Variants in CHODL observed in about 807,000 individuals in gnomAD.
CHODL encodes chondrolectin.
CHODL carries 29 observed loss-of-function variants against 34.5 expected under a neutral mutation model. That is an observed-to-expected ratio of 0.84 (90% CI 0.63 to 1.15). The LOEUF is 1.15. Among genes scored for constraint, CHODL ranks in the 50% most tolerant of loss-of-function variants. The probability of loss-of-function intolerance (pLI) is 0.00; values close to 1 mark genes in which losing one functional copy is unlikely to be tolerated. For missense variants in CHODL, 332 were observed against 332.5 expected, an observed-to-expected ratio of 1.00 and a Z score of 0.01; for synonymous variants, 125 against 116.1, an observed-to-expected ratio of 1.08 and a Z score of -0.49.
At chr21:18,153,709 T>G (rs2072998848) in intron 2 of CHODL, among the ~76,000 whole-genome samples, 1 of 152,160 alleles carries the variant, frequency 6.6e-6, no homozygotes, top group Non-Finnish European at 1.5e-5. Context: ...GAAAGAGTTC[T>G]TTCTCACCCT....
At chr21:18,188,070 C>G (rs1296924674) in intron 2 of CHODL, among the ~76,000 whole-genome samples, 2 of 151,926 alleles carry the variant, frequency 1.3e-5, no homozygotes, top group Non-Finnish European at 2.9e-5. Flanking sequence ...TTTCCCTTTC[C>G]TTTTCTTGAT....
intron 2 of CHODL, among the ~76,000 whole-genome samples, chr21:18,239,185 G>T (rs1486421390): frequency 6.6e-6 from 1 of 151,948 alleles, no homozygotes; most frequent in Non-Finnish European, 1.5e-5. Flanking sequence ...ATACCTTATT[G>T]CAGATAAATA....
rs1459091762 is a variant in CHODL at position 17,956,268 on chromosome 21, C to T, written c.-145+38868C>T. 2.5e-5 allele frequency among the ~76,000 whole-genome samples: 2 copies of T among 80,120 alleles called. 1 individual carries two copies. Among genetic ancestry groups the T allele is most frequent in the African/African-American group, 7.6e-5 (2 of 26,278 alleles). The allele number at this position is 80,120 out of a possible 152,430, so 52.6% of individuals were successfully genotyped here. ...GATCTGGTCTTTTAAAAATGTGTGA[C>T]ACCTCCCCTCACTCTCTCTCTCATG... On this transcript the variant is annotated intron_variant, in intron 1 of 6. Coordinates refer to the CHODL transcript ENST00000400127.
At position 18,245,241 on chromosome 21, in the gene CHODL, G is replaced by T; in HGVS notation, c.18G>T (p.Ser6=). 6.6e-7 allele frequency: 1 copy of T among 1,522,420 alleles called. No individual in the cohort carries two copies. Among genetic ancestry groups the T allele is most frequent in the East Asian group, 2.6e-5 (1 of 39,136 alleles). The allele number at this position is 1,522,420 out of a possible 1,614,324, so 94.3% of individuals were successfully genotyped here. A position where few individuals can be genotyped will look rare whatever the true frequency, so the allele number is the denominator to read the frequency against. ...GCGCCGCGATGAGCCGCGTGGTCTC[G>T]CTGCTGCTGGGCGCCGCGCTGCTCT... MSRVV[S]LLLGAALLCG... is the part of the protein sequence containing the mutation. The change falls in exon 1 of 6, where the codon TCG becomes TCT. Residue 6 remains serine, a synonymous_variant. Transcript: ENST00000299295.
rs74833363 is a variant in CHODL at position 17,918,524 on chromosome 21, T to C, written c.-145+1124T>C. On this transcript the variant is annotated intron_variant, in intron 1 of 6. Transcript: ENST00000400127. The stretch of plus-strand genomic sequence containing the variant: ...CTCCCATTTTTAAAAACATCAAATG[T>C]CTTGAGATTCAGAACTGCCCCCATA... Among the ~76,000 whole-genome samples the C allele has an allele frequency of 3.2e-3, 482 of 151,740 alleles. 7 individuals are homozygous for C. The highest frequency in any genetic ancestry group is 0.011 in the African/African-American group (469 of 41,360).
intron 2 of CHODL, among the ~76,000 whole-genome samples, chr21:18,098,029 AC>A (rs1312425213): frequency 5.9e-5 from 9 of 152,066 alleles, no homozygotes; most frequent in Non-Finnish European, 1.2e-4. Flanking sequence ...TTGAAACTAG[AC>A]CCCTATGTCT....
chr21:18,204,214 C>A (rs1397433024), intron 2 of CHODL, among the ~76,000 whole-genome samples: 1 of 152,042 alleles, frequency 6.6e-6, no homozygotes, highest in East Asian at 1.9e-4. Flanking sequence ...ATACTTTGAG[C>A]AAGGCATAAT....
chr21:18,257,160 T>G (rs762751512), intron 3 of CHODL, 33 bp downstream of exon 3: 1 of 1,560,646 alleles, frequency 6.4e-7, no homozygotes, highest in Non-Finnish European at 8.7e-7. Context: ...ATAGAAGATT[T>G]TGTGCATGTT....
chr21:18,138,846 G>A (rs1568906024), intron 2 of CHODL, among the ~76,000 whole-genome samples: 1 of 152,082 alleles, frequency 6.6e-6, no homozygotes, highest in African/African-American at 2.4e-5. Flanking sequence ...CATCTCTGAT[G>A]AAATGCTCTC....
intron 2 of CHODL, among the ~76,000 whole-genome samples, chr21:18,070,975 C>T (rs1161365826): frequency 6.6e-6 from 1 of 151,632 alleles, no homozygotes; most frequent in Non-Finnish European, 1.5e-5. Flanking sequence ...TTATTCTAAA[C>T]TAGTAAATCG....
At chr21:18,166,271 C>T (rs567936244) in intron 2 of CHODL, among the ~76,000 whole-genome samples, 1 of 152,316 alleles carries the variant, frequency 6.6e-6, no homozygotes, top group East Asian at 1.9e-4. Flanking sequence ...TCTTACGCTT[C>T]AAATGTATCT....
At chr21:18,145,435 CAAA>C (rs10671177) in intron 2 of CHODL, among the ~76,000 whole-genome samples, 4,931 of 60,408 alleles carry the variant, frequency 0.082, 157 homozygotes, top group Non-Finnish European at 0.13. Flanking sequence ...GACTACCTTT[CAAA>C]AAAAAAAAAA....
chr21:18,260,127 A>C, intron 3 of CHODL, 73 bp from the exon 4 acceptor site: 1 of 545,128 alleles, frequency 1.8e-6, no homozygotes, highest in Non-Finnish European at 2.8e-6. Flanking sequence ...TTATAATATA[A>C]TTTCATATTT....
chr21:18,053,965 T>TA (rs1336451204), intron 2 of CHODL, among the ~76,000 whole-genome samples: 6 of 152,006 alleles, frequency 3.9e-5, no homozygotes, highest in South Asian at 2.1e-4. Flanking sequence ...AAATCACATA[T>TA]ATCACACCTT....
intron 1 of CHODL, among the ~76,000 whole-genome samples, chr21:17,974,262 TTTTG>T (rs1056686919): frequency 6.6e-6 from 1 of 152,126 alleles, no homozygotes; most frequent in African/African-American, 2.4e-5. Context: ...TTTTAGAATT[TTTTG>T]TTTGTTTATT....
At chr21:18,103,093 A>G (rs905349435) in intron 2 of CHODL, among the ~76,000 whole-genome samples, 1 of 152,188 alleles carries the variant, frequency 6.6e-6, no homozygotes, top group African/African-American at 2.4e-5. Flanking sequence ...TAGAGCAGGG[A>G]ACCTAAAGTT....
chr21:18,070,565 T>A (rs2064791283), intron 2 of CHODL, among the ~76,000 whole-genome samples: 2 of 152,198 alleles, frequency 1.3e-5, no homozygotes, highest in South Asian at 4.1e-4. Context: ...AAGGCATTAT[T>A]TTAATTACAC....
chr21:18,120,729 A>G (rs985186930), intron 2 of CHODL, among the ~76,000 whole-genome samples: 3 of 151,974 alleles, frequency 2.0e-5, no homozygotes, highest in Admixed American at 6.6e-5. Context: ...TTACTTTGGT[A>G]TGATACTTAT....
rs369871908 is a variant in CHODL, at chr21:18,218,143, C to T, written c.-44-38366C>T. On this transcript the variant is annotated intron_variant, in intron 2 of 6. Coordinates refer to the CHODL transcript ENST00000400127. ...CTCTTCTCACAGCTCCACCAGGCAG[C>T]GCCCCAGTGGGGACTCTGTATGGGG... Among the ~76,000 whole-genome samples the T allele has an allele frequency of 6.6e-5, 10 of 152,336 alleles. No individual in the cohort carries two copies. In the South Asian group the frequency reaches 8.3e-4, roughly 13 times the overall value.
Sources: gnomAD v4.1 joint callset for allele counts (sites outside exome capture counted in the v4.1 genomes callset) on GRCh38, gnomAD v4.1.1 for gene constraint, MANE v1.5 for transcripts, NCBI Gene and HGNC (gene_info 2026-07-23, HGNC 2026-07-21) for gene names.